PHC2: variants seen among roughly 807,000 people sequenced by gnomAD.
PHC2 encodes polyhomeotic-like protein 2.
PHC2 carries 29 observed loss-of-function variants against 87.4 expected under a neutral mutation model. The observed-to-expected ratio is 0.33, with a 90% confidence interval of 0.25 to 0.45. The LOEUF is 0.45. Ranked by LOEUF, PHC2 falls within the 20% of genes least tolerant of loss-of-function variation. The pLI is 1.00. For missense variants in PHC2, 857 were observed against 1,136.7 expected, an observed-to-expected ratio of 0.75 and a Z score of 3.54; for synonymous variants, 438 against 461.7, an observed-to-expected ratio of 0.95 and a Z score of 0.66.
chr1:33,410,328 T>A (rs745392211), intron 1 of PHC2, among the ~76,000 whole-genome samples: 2 of 152,192 alleles, frequency 1.3e-5, no homozygotes, highest in African/African-American at 4.8e-5. Flanking sequence ...TCAGGGAGCA[T>A]GTGCAGGAGA....
intron 7 of PHC2, among the ~76,000 whole-genome samples, chr1:33,356,196 C>G (rs1379990946): frequency 6.8e-6 from 1 of 146,774 alleles, no homozygotes; most frequent in African/African-American, 2.5e-5. Context: ...TGTTGCTATG[C>G]TAGCTTTTCT....
rs531870057 is a variant in PHC2, at chr1:33,368,574, C to G, written c.625G>C (p.Gly209Arg). Residue 209 changes from glycine to arginine, a missense_variant, in exon 6 of 15, where the codon GGC becomes CGC. Gly to Arg is a moderately radical substitution (Grantham distance 125, BLOSUM62 -2). Around this residue, in one of 3 missense-constraint regions of PHC2, gnomAD observed 832 missense variants for 1,081.8 expected, o/e 0.77. Coordinates refer to ENST00000683057, the MANE Select transcript of PHC2 (RefSeq NM_001385109.1). This position sits in a 1 kb window ranked among gnomAD's most constrained non-coding sequence, Gnocchi z 6.6. ...ATVATVQPELGTGSPARPPTP... is the reference protein window; with the variant it reads ...ATVATVQPELRTGSPARPPTP... ...GGGGGCCGGGCGGGGGAGCCAGTGC[C>G]GAGCTCAGGCTGCACAGTAGCGACG... 1.9e-6 allele frequency: 3 copies of G among 1,549,886 alleles called. No homozygotes were observed. The highest frequency in any genetic ancestry group is 3.9e-5 in the Admixed American group (2 of 50,968).
chr1:33,398,573 G>A (rs1649388871), intron 1 of PHC2, among the ~76,000 whole-genome samples: 1 of 151,888 alleles, frequency 6.6e-6, no homozygotes, highest in Non-Finnish European at 1.5e-5. Flanking sequence ...AAAGTATCTG[G>A]GCTTCAACAT....
At chr1:33,342,937 C>T (rs1332965358) in intron 9 of PHC2, among the ~76,000 whole-genome samples, 2 of 152,220 alleles carry the variant, frequency 1.3e-5, no homozygotes, top group African/African-American at 4.8e-5. Flanking sequence ...GTAGAAAGAG[C>T]ATGGGCTCTG....
chr1:33,324,565 GA>G lies in PHC2; in HGVS notation c.*299del, dbSNP rs1646330817. ...ACCATATACCCCCTGGAAAATGGGG[GA>G]CAGAAAGAGGGGAAGAGAGCGGGGC... On this transcript the variant is annotated 3_prime_UTR_variant, in exon 15 of 15. Transcript: ENST00000683057. The G allele has an allele frequency of 7.6e-6, 2 of 263,972 alleles. No homozygotes were observed. Among genetic ancestry groups the G allele is most frequent in the Non-Finnish European group, 1.4e-5 (2 of 140,476 alleles). The allele number at this position is 263,972 out of a possible 1,614,324, so 16.4% of individuals were successfully genotyped here. A position where few individuals can be genotyped will look rare whatever the true frequency, so the allele number is the denominator to read the frequency against.
chr1:33,411,465 G>A (rs1449029263), intron 1 of PHC2, among the ~76,000 whole-genome samples: 1 of 149,368 alleles, frequency 6.7e-6, no homozygotes, highest in Non-Finnish European at 1.5e-5. Flanking sequence ...TGTTGTTGTT[G>A]TTGTTGTTAT....
intron 1 of PHC2, among the ~76,000 whole-genome samples, chr1:33,394,134 A>C (rs1450156157): frequency 1.3e-5 from 2 of 152,190 alleles, no homozygotes; most frequent in Admixed American, 6.5e-5. Context: ...CTTGGAATAC[A>C]TAACAGAAAC....
At chr1:33,398,064 C>A (rs1570507222) in intron 1 of PHC2, among the ~76,000 whole-genome samples, 1 of 152,218 alleles carries the variant, frequency 6.6e-6, no homozygotes, top group South Asian at 2.1e-4. Flanking sequence ...CCATCTGGCT[C>A]TGCCATTAGA....
rs944091156 is a variant in PHC2, at chr1:33,382,090, G to A, written c.-54-6497C>T. ...GGGTCCTGCCATATGTCACTTTATT[G>A]TTGGTCTCCTAGTAGAAGGGAACTT... On this transcript the variant is annotated intron_variant, in intron 1 of 14. Coordinates refer to ENST00000683057, the MANE Select transcript of PHC2 (RefSeq NM_001385109.1). This position sits in a 1 kb window ranked among gnomAD's most constrained non-coding sequence, Gnocchi z 4.3. Among the ~76,000 whole-genome samples the A allele has an allele frequency of 6.6e-6, 1 of 152,154 alleles. No homozygotes were observed. The highest frequency in any genetic ancestry group is 1.5e-5 in the Non-Finnish European group (1 of 68,026).
In PHC2 at chr1:33,349,232, G is replaced by C. The variant is rs376310942; in HGVS notation, c.1558+5169C>G. The stretch of plus-strand genomic sequence containing the variant: ...AGGGAGTCCACCACCAATAAAGTAC[G>C]GCAGATGCCAGCAGTCTCGTCCCCG... On this transcript the variant is annotated intron_variant, in intron 9 of 14. Transcript: ENST00000683057. This position sits in a 1 kb window ranked among gnomAD's most constrained non-coding sequence, Gnocchi z 4.2. 2 of 985,356 alleles carry C rather than the reference G, an allele frequency of 2.0e-6. No individual in the cohort carries two copies. Among genetic ancestry groups the C allele is most frequent in the Non-Finnish European group, 2.4e-6 (2 of 829,976 alleles). 61.0% of individuals were successfully genotyped at this position (985,356 alleles called of 1,614,324 possible).
intron 7 of PHC2, among the ~76,000 whole-genome samples, chr1:33,361,728 A>G (rs890378076): frequency 4.6e-5 from 7 of 152,260 alleles, no homozygotes; most frequent in Non-Finnish European, 1.0e-4. Context: ...CCTGGCGATC[A>G]GTTCAGCCTC....
intron 7 of PHC2, among the ~76,000 whole-genome samples, chr1:33,355,600 C>T (rs532440631): frequency 1.3e-5 from 2 of 152,342 alleles, no homozygotes; most frequent in East Asian, 1.9e-4. Flanking sequence ...GACATGCTCT[C>T]GCTCTCCTCC....
At chr1:33,402,667 A>G (rs1342596565) in intron 1 of PHC2, among the ~76,000 whole-genome samples, 1 of 152,244 alleles carries the variant, frequency 6.6e-6, no homozygotes, top group African/African-American at 2.4e-5. Context: ...TCTCAAAAAG[A>G]TAATGCTGAA....
chr1:33,395,256 T>C (rs994244626), intron 1 of PHC2, among the ~76,000 whole-genome samples: 2 of 151,866 alleles, frequency 1.3e-5, no homozygotes, highest in African/African-American at 4.8e-5. Context: ...TAATCTATGA[T>C]AGAAAAAAAT....
chr1:33,395,888 C>T (rs918482247), intron 1 of PHC2, among the ~76,000 whole-genome samples: 1 of 152,144 alleles, frequency 6.6e-6, no homozygotes, highest in Admixed American at 6.5e-5. Context: ...ATATCTGAAA[C>T]ATTGGAATAA....
chr1:33,419,447 G>A (rs540002310), intron 1 of PHC2, among the ~76,000 whole-genome samples: 10 of 152,242 alleles, frequency 6.6e-5, no homozygotes, highest in East Asian at 1.9e-4. Context: ...GAGGTTCTAC[G>A]GAAGAATCTA....
intron 1 of PHC2, among the ~76,000 whole-genome samples, chr1:33,388,385 G>A (rs1258499162): frequency 2.0e-5 from 3 of 149,414 alleles, no homozygotes; most frequent in Non-Finnish European, 4.4e-5. Context: ...GTGCAATGGC[G>A]CGATCCTGGC....
chr1:33,376,885 C>T (rs1648213487), intron 1 of PHC2, among the ~76,000 whole-genome samples: 1 of 152,192 alleles, frequency 6.6e-6, no homozygotes, highest in Admixed American at 6.5e-5. Context: ...GCTGAGATCA[C>T]ACCACTGCAC....
intron 1 of PHC2, among the ~76,000 whole-genome samples, chr1:33,381,577 A>T (rs1648493832): frequency 6.6e-6 from 1 of 151,790 alleles, no homozygotes; most frequent in South Asian, 2.1e-4. Context: ...TATCTAAGCA[A>T]TTTATGTAAG....
Sources: gnomAD v4.1 joint callset for allele counts (sites outside exome capture counted in the v4.1 genomes callset) on GRCh38, gnomAD v4.1.1 for gene constraint, gnomAD v4.1.1 regional missense constraint, Gnocchi (gnomAD v3.1) non-coding constraint, MANE v1.5 for transcripts, NCBI Gene and HGNC (gene_info 2026-07-23, HGNC 2026-07-21) for gene names.